FSTL1: variants seen among roughly 807,000 people sequenced by gnomAD.
FSTL1 encodes follistatin like 1.
In FSTL1, 24 loss-of-function variants were observed where a neutral mutation model predicts 45.9. The observed-to-expected ratio is 0.52, with a 90% CI of 0.38 to 0.74. FSTL1 has a LOEUF of 0.74. FSTL1 is among the 30% of genes least tolerant of loss of function. FSTL1 has a pLI of 0.00. For synonymous variants in FSTL1, 120 were observed against 137.6 expected, an observed-to-expected ratio of 0.87 and a Z score of 0.89; for missense variants, 340 against 381.8, an observed-to-expected ratio of 0.89 and a Z score of 0.91.
rs2272515 is a variant in FSTL1 at position 120,416,036 on chromosome 3, T to C, written c.64-9A>G. 582,811 of 1,581,610 alleles carry C rather than the reference T, an allele frequency of 0.37. 111,598 individuals carry two copies. The highest frequency in any genetic ancestry group is 0.43 in the Admixed American group (26,000 of 59,950). On this transcript the variant is annotated splice_polypyrimidine_tract_variant and intron_variant, in intron 2 of 10. Transcript: ENST00000295633. ...TTGCTCCTTAGCTCTTCCTAAAACA[T>C]ACAATCATAAAGGAAACCGTGTGAC...
At chr3:120,443,448 A>T (rs1225330814) in intron 2 of FSTL1, among the ~76,000 whole-genome samples, 1 of 149,980 alleles carries the variant, frequency 6.7e-6, no homozygotes, top group Non-Finnish European at 1.5e-5. Flanking sequence ...ACTTCTGTAG[A>T]TCCATAAATT....
At chr3:120,407,605 T>C (rs1227662111) in intron 6 of FSTL1, among the ~76,000 whole-genome samples, 1 of 152,230 alleles carries the variant, frequency 6.6e-6, no homozygotes, top group Non-Finnish European at 1.5e-5. Context: ...AGCATTTCAT[T>C]GGTTCATAAC....
intron 2 of FSTL1, among the ~76,000 whole-genome samples, chr3:120,425,331 G>T (rs999850354): frequency 6.8e-6 from 1 of 146,954 alleles, no homozygotes; most frequent in African/African-American, 2.5e-5. Context: ...CCATGTAAGA[G>T]AAATCATTTG....
intron 2 of FSTL1, among the ~76,000 whole-genome samples, chr3:120,450,306 T>A (rs1937856420): frequency 6.6e-6 from 1 of 152,052 alleles, no homozygotes; most frequent in Non-Finnish European, 1.5e-5. Flanking sequence ...GGAGACAGAC[T>A]TGGGAGGGAA....
In FSTL1 at chr3:120,394,182, G is replaced by A. The variant is rs753779624; in HGVS notation, c.*2770C>T. ...GGAGAAACTCTTCAGTCCTTTTTAA[G>A]GCTCCTGAAACTCAAATCCACTCTT... On this transcript the variant is annotated 3_prime_UTR_variant, in exon 11 of 11. Coordinates refer to ENST00000295633, the MANE Select transcript of FSTL1 (RefSeq NM_007085.5). 8 of 152,108 alleles carry A rather than the reference G, an allele frequency of 5.3e-5. No individual in the cohort carries two copies. The highest frequency in any genetic ancestry group is 1.2e-4 in the Non-Finnish European group (8 of 68,034). The allele number at this position is 152,108 out of a possible 1,614,324, so 9.4% of individuals were successfully genotyped here. A position where few individuals can be genotyped will look rare whatever the true frequency, so the allele number is the denominator to read the frequency against.
intron 7 of FSTL1, among the ~76,000 whole-genome samples, chr3:120,403,946 A>C (rs1576208437): frequency 3.0e-5 from 3 of 100,494 alleles, no homozygotes; most frequent in Non-Finnish European, 5.9e-5. Context: ...AAAAAAAAAC[A>C]AAAACAAAAC....
intron 2 of FSTL1, among the ~76,000 whole-genome samples, chr3:120,432,723 G>C (rs186146448): frequency 1.2e-3 from 180 of 152,252 alleles, no homozygotes; most frequent in Non-Finnish European, 1.8e-3. Context: ...TTAACTGTTT[G>C]GGGTCACCCT....
chr3:120,394,873 A>G lies in FSTL1; in HGVS notation c.*2079T>C, dbSNP rs1936665198. The stretch of plus-strand genomic sequence containing the variant: ...TCTTGGGAGTTCAATGTTGCAGGGT[A>G]GAGTAGTCTTGGATGATAACCATGT... On this transcript the variant is annotated 3_prime_UTR_variant, in exon 11 of 11. Transcript: ENST00000295633. The G allele has an allele frequency of 6.6e-6, 1 of 152,258 alleles. No homozygotes were observed. The highest frequency in any genetic ancestry group is 1.5e-5 in the Non-Finnish European group (1 of 68,060). The allele number at this position is 152,258 out of a possible 1,614,324, so 9.4% of individuals were successfully genotyped here.
At chr3:120,430,217 A>C (rs1232205249) in intron 2 of FSTL1, among the ~76,000 whole-genome samples, 2 of 152,164 alleles carry the variant, frequency 1.3e-5, no homozygotes, top group Non-Finnish European at 2.9e-5. Flanking sequence ...TGCGTCTCCT[A>C]GAATTTTCTC....
chr3:120,397,786 C>T (rs1236766397), intron 10 of FSTL1, among the ~76,000 whole-genome samples: 1 of 152,168 alleles, frequency 6.6e-6, no homozygotes, highest in Non-Finnish European at 1.5e-5. Context: ...AACATGTGTC[C>T]ACACAAAAAC....
At chr3:120,415,848 C>G in intron 3 of FSTL1, 75 bp downstream of exon 3, 1 of 788,796 alleles carries the variant, frequency 1.3e-6, no homozygotes, top group Admixed American at 1.8e-5. Flanking sequence ...TTGGCACTGC[C>G]TGCTGATGGG....
intron 2 of FSTL1, among the ~76,000 whole-genome samples, chr3:120,421,967 G>A (rs1937286327): frequency 6.6e-6 from 1 of 152,194 alleles, no homozygotes; most frequent in Admixed American, 6.5e-5. Context: ...AGCTTAATTA[G>A]CTTCATGGTA....
intron 2 of FSTL1, among the ~76,000 whole-genome samples, chr3:120,436,631 A>G (rs1651558791): frequency 6.6e-6 from 1 of 152,228 alleles, no homozygotes; most frequent in South Asian, 2.1e-4. Context: ...GCCACATAGG[A>G]TAAGAAAGGA....
At chr3:120,432,670 TC>T (rs1937499236) in intron 2 of FSTL1, among the ~76,000 whole-genome samples, 1 of 152,246 alleles carries the variant, frequency 6.6e-6, no homozygotes, top group African/African-American at 2.4e-5. Flanking sequence ...AGCTCTGGTA[TC>T]CTTCATTTTA....
At chr3:120,404,804 A>G (rs746649202) in intron 7 of FSTL1, 49 bp downstream of exon 7, 2 of 945,210 alleles carry the variant, frequency 2.1e-6, no homozygotes, top group Non-Finnish European at 1.8e-6. Flanking sequence ...CCCCTCTCTC[A>G]GTTAGTCTTC....
chr3:120,416,884 T>G (rs1290438646), intron 2 of FSTL1, among the ~76,000 whole-genome samples: 1 of 152,150 alleles, frequency 6.6e-6, no homozygotes, highest in East Asian at 1.9e-4. Context: ...CCTGAGAATG[T>G]GGGGGTATTG....
chr3:120,450,600 C>A, intron 2 of FSTL1, 84 bp downstream of exon 2: 3 of 877,276 alleles, frequency 3.4e-6, no homozygotes, highest in Non-Finnish European at 1.6e-6. Flanking sequence ...GGGAGAGCAT[C>A]CCCAGGACGC....
At chr3:120,449,313 C>T (rs900239349) in intron 2 of FSTL1, among the ~76,000 whole-genome samples, 1 of 152,136 alleles carries the variant, frequency 6.6e-6, no homozygotes, top group Non-Finnish European at 1.5e-5. Context: ...CTGCAGGTAA[C>T]GTACACAGCC....
At chr3:120,414,326 A>G (rs1937143792) in intron 3 of FSTL1, among the ~76,000 whole-genome samples, 2 of 147,520 alleles carry the variant, frequency 1.4e-5, no homozygotes, top group South Asian at 2.2e-4. Context: ...CATCCCACCT[A>G]GGAAGTGAGG....
Sources: gnomAD v4.1 joint callset for allele counts (sites outside exome capture counted in the v4.1 genomes callset) on GRCh38, gnomAD v4.1.1 for gene constraint, MANE v1.5 for transcripts, NCBI Gene and HGNC (gene_info 2026-07-23, HGNC 2026-07-21) for gene names.